LINC00632: variants seen among roughly 807,000 people sequenced by gnomAD.
LINC00632 encodes long independently transcribed non-coding RNA 632, also known as ALDOA related specific transcript.
chrX:140,783,434 C>G (rs1407780311), exon 5 of LINC00632: 1 of 615,001 alleles, frequency 1.6e-6, no homozygotes. Flanking sequence ...GGAAAATCCA[C>G]GTCTTCCAGG....
chrX:140,736,436 C>CTTTTTTTTTTT (rs748293491), intron 3 of LINC00632, among the ~76,000 whole-genome samples: 1 of 50,064 alleles, frequency 2.0e-5, no homozygotes, highest in Non-Finnish European at 4.3e-5. Flanking sequence ...TCTTCTTCTT[C>CTTTTTTTTTTT]TTTTTTTTTT....
intron 3 of LINC00632, among the ~76,000 whole-genome samples, chrX:140,767,055 T>C (rs766360238): frequency 2.3e-4 from 26 of 111,721 alleles, no homozygotes; most frequent in Admixed American, 4.7e-4. Context: ...TAACCAGAAG[T>C]TTCTTGTGTT....
exon 1 of LINC00632, chrX:140,709,769 A>C (rs1203800782): frequency 2.9e-6 from 1 of 339,125 alleles, no homozygotes; most frequent in Admixed American, 3.1e-5. Flanking sequence ...AGTGCGACAG[A>C]CAGCCTCAGA....
intron 2 of LINC00632, chrX:140,714,253 T>C (rs1003045092): frequency 4.3e-5 from 6 of 140,861 alleles, no homozygotes; most frequent in Non-Finnish European, 7.0e-5. Context: ...ACAAGCACCA[T>C]AGGCCACAGA....
chrX:140,762,209 A>AAGAGAG (rs35880613), intron 3 of LINC00632, among the ~76,000 whole-genome samples: 3,157 of 67,038 alleles, frequency 0.047, 85 homozygotes, highest in Admixed American at 0.16. Context: ...GTTTTTCGAA[A>AAGAGAG]AGAGAGAGAG....
chrX:140,772,083 G>A, exon 4 of LINC00632: 1 of 293,452 alleles, frequency 3.4e-6, no homozygotes, highest in Non-Finnish European at 5.9e-6. Flanking sequence ...CCTAGATGGT[G>A]TGCTTCTCAC....
At chrX:140,773,658 GA>G (rs904885631) in exon 4 of LINC00632, among the ~76,000 whole-genome samples, 1 of 110,582 alleles carries the variant, frequency 9.0e-6, no homozygotes, top group African/African-American at 3.3e-5. Flanking sequence ...ACATTTAAAT[GA>G]AAAAAAAATC....
exon 5 of LINC00632, among the ~76,000 whole-genome samples, chrX:140,782,056 T>G (rs1931942085): frequency 8.9e-6 from 1 of 112,148 alleles, no homozygotes; most frequent in African/African-American, 3.2e-5. Context: ...TCCAACCCAT[T>G]CAAACTATTT....
intron 2 of LINC00632, among the ~76,000 whole-genome samples, chrX:140,718,720 C>T (rs1374275428): frequency 1.8e-5 from 2 of 111,781 alleles, no homozygotes; most frequent in Admixed American, 9.6e-5. Flanking sequence ...CTGACTGTAC[C>T]TATTCCGTAA....
intron 2 of LINC00632, among the ~76,000 whole-genome samples, chrX:140,732,325 C>T (rs1402036579): frequency 8.9e-6 from 1 of 112,072 alleles, no homozygotes; most frequent in East Asian, 2.8e-4. Context: ...CACTCAGATG[C>T]CATGTATACC....
At chrX:140,711,157 T>A (rs897336167) in intron 1 of LINC00632, among the ~76,000 whole-genome samples, 6 of 111,739 alleles carry the variant, frequency 5.4e-5, no homozygotes, top group Non-Finnish European at 1.1e-4. Flanking sequence ...AGTGCTTTTA[T>A]ACACTTACTA....
chrX:140,789,772 C>A (rs189030497), exon 5 of LINC00632, among the ~76,000 whole-genome samples: 71 of 110,741 alleles, frequency 6.4e-4, no homozygotes, highest in Non-Finnish European at 1.1e-3. Flanking sequence ...TGTTTGTATC[C>A]TTTACCTATT....
At chrX:140,712,802 TTCTC>T (rs1378969599) in intron 2 of LINC00632, among the ~76,000 whole-genome samples, 1 of 106,543 alleles carries the variant, frequency 9.4e-6, no homozygotes, top group African/African-American at 3.4e-5. Context: ...CAACGAAGCT[TTCTC>T]TCTCTATTGA....
intron 3 of LINC00632, among the ~76,000 whole-genome samples, chrX:140,757,653 G>A (rs942297247): frequency 4.9e-4 from 55 of 111,244 alleles, no homozygotes; most frequent in African/African-American, 1.7e-3. Context: ...TGCAACCTCC[G>A]CCTCCTGGGT....
chrX:140,772,189 G>A (rs747487617), exon 4 of LINC00632: 3 of 293,903 alleles, frequency 1.0e-5, no homozygotes, highest in South Asian at 4.3e-4. Context: ...CTAAGTCCGC[G>A]CCTTTGAGAG....
chrX:140,713,539 A>G (rs1434780539), intron 2 of LINC00632: 2 of 340,644 alleles, frequency 5.9e-6, no homozygotes, highest in Non-Finnish European at 1.2e-5. Flanking sequence ...ACTTGCCTGG[A>G]AGCAGACTTG....
exon 5 of LINC00632, among the ~76,000 whole-genome samples, chrX:140,788,461 G>A (rs1473687540): frequency 9.1e-6 from 1 of 110,319 alleles, no homozygotes; most frequent in East Asian, 2.8e-4. Context: ...TAATTTATCT[G>A]TGGGTAGTAA....
chrX:140,747,558 T>C (rs1335072743), intron 3 of LINC00632, among the ~76,000 whole-genome samples: 1 of 106,899 alleles, frequency 9.4e-6, no homozygotes, highest in African/African-American at 3.4e-5. Context: ...GGAATTACAT[T>C]GGCCTTCACT....
intron 3 of LINC00632, among the ~76,000 whole-genome samples, chrX:140,753,200 G>A (rs940605217): frequency 8.9e-6 from 1 of 111,765 alleles, no homozygotes; most frequent in African/African-American, 3.2e-5. Context: ...GATAGTGAGA[G>A]CAGACTAAGA....
Sources: gnomAD v4.1 joint callset for allele counts (sites outside exome capture counted in the v4.1 genomes callset) on GRCh38, gnomAD v4.1.1 for gene constraint, MANE v1.5 for transcripts, NCBI Gene and HGNC (gene_info 2026-07-23, HGNC 2026-07-21) for gene names.